LSAMP: variants seen among roughly 807,000 people sequenced by gnomAD.
The protein encoded by LSAMP is limbic system-associated membrane protein.
LSAMP carries 7 observed loss-of-function variants against 38.6 expected under a neutral mutation model. The ratio of observed to expected loss-of-function variants is 0.18; its 90% CI spans 0.10 to 0.34. The LOEUF is 0.34. Ranked by LOEUF, LSAMP falls within the 10% of genes least tolerant of loss-of-function variation. The pLI, the probability that LSAMP is intolerant of heterozygous loss-of-function variation, is 1.00. For missense variants in LSAMP, 313 were observed against 420.0 expected (o/e 0.75, Z 2.23); for synonymous variants, 154 against 166.8 (o/e 0.92, Z 0.59).
intron 3 of LSAMP, among the ~76,000 whole-genome samples, chr3:115,861,389 TG>T (rs1025768623): frequency 6.6e-6 from 1 of 152,014 alleles, no homozygotes; most frequent in African/African-American, 2.4e-5. Flanking sequence ...AAAGTGGAGA[TG>T]GGCTCTTCAA....
At chr3:116,065,321 A>G (rs1707397489) in intron 2 of LSAMP, among the ~76,000 whole-genome samples, 2 of 152,258 alleles carry the variant, frequency 1.3e-5, no homozygotes, top group African/African-American at 4.8e-5. Flanking sequence ...CATGATATTT[A>G]TCATTTCATC....
chr3:116,223,343 C>G (rs1202475200), intron 1 of LSAMP, among the ~76,000 whole-genome samples: 2 of 152,142 alleles, frequency 1.3e-5, no homozygotes, highest in Non-Finnish European at 2.9e-5. Context: ...TGAGCACTTA[C>G]ACTATACCAG....
intron 1 of LSAMP, among the ~76,000 whole-genome samples, chr3:116,234,369 A>T (rs1217711585): frequency 5.3e-5 from 8 of 152,218 alleles, no homozygotes; most frequent in Non-Finnish European, 1.5e-5. Context: ...ATTGATAAGA[A>T]GGTAGAACTT....
intron 3 of LSAMP, among the ~76,000 whole-genome samples, chr3:115,925,963 A>G (rs942681045): frequency 5.9e-5 from 9 of 152,194 alleles, no homozygotes; most frequent in Admixed American, 5.9e-4. Context: ...ACAATGAAAG[A>G]GAATTGAAGA....
At chr3:115,822,062 G>A (rs1196625346) in intron 6 of LSAMP, among the ~76,000 whole-genome samples, 1 of 152,154 alleles carries the variant, frequency 6.6e-6, no homozygotes, top group Non-Finnish European at 1.5e-5. Context: ...AGGCTTTAGG[G>A]ATTAGCAGCT....
intron 2 of LSAMP, among the ~76,000 whole-genome samples, chr3:116,032,557 C>T (rs1940950229): frequency 6.6e-6 from 1 of 152,134 alleles, no homozygotes; most frequent in Non-Finnish European, 1.5e-5. Flanking sequence ...TCTGTAATCC[C>T]AGCACTTTGG....
chr3:116,118,075 T>TG (rs1169139501), intron 1 of LSAMP, among the ~76,000 whole-genome samples: 1 of 152,132 alleles, frequency 6.6e-6, no homozygotes, highest in Non-Finnish European at 1.5e-5. Flanking sequence ...AGATTGGGTG[T>TG]GGGTAGGGTC....
intron 3 of LSAMP, among the ~76,000 whole-genome samples, chr3:115,930,732 C>T (rs1240716835): frequency 6.6e-6 from 1 of 152,036 alleles, no homozygotes; most frequent in Non-Finnish European, 1.5e-5. Context: ...AAATGCTAAC[C>T]TTTGCATTTT....
chr3:116,267,709 GT>G (rs963747775), intron 1 of LSAMP, among the ~76,000 whole-genome samples: 1 of 151,724 alleles, frequency 6.6e-6, no homozygotes, highest in African/African-American at 2.4e-5. Context: ...CTGTTCGTCT[GT>G]TTTTTAGACA....
intron 2 of LSAMP, among the ~76,000 whole-genome samples, chr3:116,048,079 A>T (rs760496295): frequency 1.1e-4 from 17 of 152,190 alleles, no homozygotes; most frequent in Non-Finnish European, 2.5e-4. Flanking sequence ...TTGGCATATG[A>T]TAGGCCCTTA....
chr3:116,130,819 T>C (rs1709109680), intron 1 of LSAMP, among the ~76,000 whole-genome samples: 1 of 152,142 alleles, frequency 6.6e-6, no homozygotes, highest in African/African-American at 2.4e-5. Context: ...GTAGAGATCA[T>C]ATCTATATAG....
In LSAMP at chr3:116,405,093, T is replaced by C. The variant is rs145800689; in HGVS notation, c.155+39784A>G. Among the ~76,000 whole-genome samples the C allele has an allele frequency of 1.5e-3, 222 of 152,214 alleles. 5 individuals are homozygous for C. In the East Asian group the frequency reaches 0.033, roughly 22 times the overall value. On this transcript the variant is annotated intron_variant, in intron 1 of 6. Transcript: ENST00000490035. ...CTGTAAGTTTTAGGTAGTACGCAAG[T>C]AATATATTTGCTTCCTAGATATAGG...
chr3:116,141,250 T>C (rs531690465), intron 1 of LSAMP, among the ~76,000 whole-genome samples: 15 of 151,930 alleles, frequency 9.9e-5, no homozygotes, highest in Non-Finnish European at 1.9e-4. Context: ...ATAAATAGTG[T>C]TCTCTGCATT....
intron 1 of LSAMP, among the ~76,000 whole-genome samples, chr3:116,147,167 A>G (rs558801655): frequency 9.9e-5 from 15 of 152,048 alleles, no homozygotes; most frequent in African/African-American, 3.6e-4. Flanking sequence ...TAAGCTTGAC[A>G]TACGTTCTAT....
intron 1 of LSAMP, among the ~76,000 whole-genome samples, chr3:116,117,862 T>A (rs758583580): frequency 2.0e-5 from 3 of 152,226 alleles, no homozygotes; most frequent in Non-Finnish European, 4.4e-5. Flanking sequence ...ATGACCTGCC[T>A]GAGGTAGTGT....
rs985137308 is a variant in LSAMP, at chr3:115,804,237, C to G, written c.*6080G>C. 3 of 152,166 alleles carry G rather than the reference C, an allele frequency of 2.0e-5. No homozygotes were observed. The highest frequency in any genetic ancestry group is 4.4e-5 in the Non-Finnish European group (3 of 68,028). The allele number at this position is 152,166 out of a possible 1,614,324, so 9.4% of individuals were successfully genotyped here. A position where few individuals can be genotyped will look rare whatever the true frequency, so the allele number is the denominator to read the frequency against. On this transcript the variant is annotated 3_prime_UTR_variant, in exon 7 of 7. Transcript: ENST00000490035. The stretch of plus-strand genomic sequence containing the variant: ...CAGAGACCAAACTAGAGATAACAAA[C>G]AGCTGCTGTTTACAAACAGTGCTGG...
chr3:116,298,317 A>C (rs1325640335), intron 1 of LSAMP, among the ~76,000 whole-genome samples: 1 of 152,164 alleles, frequency 6.6e-6, no homozygotes, highest in Non-Finnish European at 1.5e-5. Context: ...TTTTCTGCCC[A>C]AAATCATGCC....
At chr3:116,032,608 C>T (rs895043370) in intron 2 of LSAMP, among the ~76,000 whole-genome samples, 1 of 151,972 alleles carries the variant, frequency 6.6e-6, no homozygotes, top group African/African-American at 2.4e-5. Context: ...CAAGCCTGGG[C>T]AACATGGCAA....
intron 1 of LSAMP, among the ~76,000 whole-genome samples, chr3:116,393,278 C>T (rs560755495): frequency 2.0e-5 from 3 of 152,300 alleles, no homozygotes; most frequent in African/African-American, 7.2e-5. Flanking sequence ...CCTCTTTGGG[C>T]CCCTGTGGTT....
Sources: allele counts gnomAD v4.1 joint callset (sites outside exome capture counted in the v4.1 genomes callset), GRCh38; gene constraint gnomAD v4.1.1; transcripts MANE v1.5; gene names NCBI Gene and HGNC (gene_info 2026-07-23, HGNC 2026-07-21).